Variants in STK24 observed in about 807,000 individuals in gnomAD.
STK24 encodes serine/threonine-protein kinase 24.
In STK24, 21 loss-of-function variants were observed where a neutral mutation model predicts 55.6. That is an observed-to-expected ratio of 0.38 (90% confidence interval 0.27 to 0.54). The LOEUF (loss-of-function observed/expected upper bound fraction) is 0.54, where lower values mean the gene tolerates loss of function less well. Ranked by LOEUF, STK24 falls within the 20% of genes least tolerant of loss-of-function variation. STK24 has a pLI of 0.79. For missense variants in STK24, 383 were observed against 538.4 expected, an observed-to-expected ratio of 0.71 and a Z score of 2.86; for synonymous variants, 200 against 215.2, an observed-to-expected ratio of 0.93 and a Z score of 0.62.
At position 98,446,773 on chromosome 13, in the gene STK24, C is replaced by G. The variant is rs771987186; in HGVS notation, c.*6400G>C. The G allele has an allele frequency of 1.2e-6, 2 of 1,614,176 alleles. No homozygotes were observed. The highest frequency in any genetic ancestry group is 1.7e-6 in the Non-Finnish European group (2 of 1,180,042). On this transcript the variant is annotated 3_prime_UTR_variant, in exon 11 of 11. Coordinates refer to ENST00000539966, the MANE Select transcript of STK24 (RefSeq NM_001032296.4). ...ACGTGTTCAAGCTGCACTTCAAGTC[C>G]CACGTCTACTACTTCAGGGCGGAAA...
At chr13:98,534,366 C>T (rs1896656187) in intron 1 of STK24, among the ~76,000 whole-genome samples, 1 of 152,184 alleles carries the variant, frequency 6.6e-6, no homozygotes, top group African/African-American at 2.4e-5. Context: ...CCAAGCTGTC[C>T]TTTTCATTCC....
In STK24 at chr13:98,538,785, G is replaced by C. The variant is rs554455260; in HGVS notation, c.43-19312C>G. ...AGCCCACCTGCCGCCTGACCTCCTA[G>C]GTTCATCACTGCCACTGCCTCCTTC... is the stretch of plus-strand genomic sequence containing the variant. On this transcript the variant is annotated intron_variant, in intron 1 of 10. Coordinates refer to ENST00000539966, the MANE Select transcript of STK24 (RefSeq NM_001032296.4). 2.0e-5 allele frequency among the ~76,000 whole-genome samples: 3 copies of C among 152,234 alleles called. No individual in the cohort carries two copies. The East Asian group carries it at 5.8e-4, about 29-fold the overall frequency.
rs534145605 is a variant in STK24 at position 98,525,037 on chromosome 13, A to T, written c.43-5564T>A. 9.6e-4 allele frequency among the ~76,000 whole-genome samples: 147 copies of T among 152,364 alleles called. 1 individual carries two copies. The highest frequency in any genetic ancestry group is 3.4e-3 in the African/African-American group (141 of 41,594). ...GGGGCAATGGGGCACTCAATAAAGC[A>T]GGGTTCCCTGCGCGGGCAGCCCTGC... On this transcript the variant is annotated intron_variant, in intron 1 of 10. Coordinates refer to ENST00000539966, the MANE Select transcript of STK24 (RefSeq NM_001032296.4).
At chr13:98,486,512 C>G (rs906123725) in intron 2 of STK24, among the ~76,000 whole-genome samples, 3 of 152,208 alleles carry the variant, frequency 2.0e-5, no homozygotes, top group Admixed American at 6.5e-5. Flanking sequence ...CACAGCCACA[C>G]CAGGGATCCT....
intron 1 of STK24, among the ~76,000 whole-genome samples, chr13:98,556,543 C>G (rs1897293652): frequency 6.6e-6 from 1 of 152,178 alleles, no homozygotes; most frequent in South Asian, 2.1e-4. Flanking sequence ...ACAAAAAAAT[C>G]ACTGTAACAC....
At chr13:98,535,354 A>G (rs1896687765) in intron 1 of STK24, among the ~76,000 whole-genome samples, 1 of 39,722 alleles carries the variant, frequency 2.5e-5, no homozygotes, top group Non-Finnish European at 5.9e-5. Flanking sequence ...ACAAACAAAC[A>G]AACAAACAAA....
At chr13:98,557,626 C>A (rs1471073932) in intron 1 of STK24, among the ~76,000 whole-genome samples, 1 of 152,228 alleles carries the variant, frequency 6.6e-6, no homozygotes, top group African/African-American at 2.4e-5. Context: ...ACTGTCAACG[C>A]CCAAAATGGG....
chr13:98,463,995 T>A (rs1893827116), intron 6 of STK24, among the ~76,000 whole-genome samples, 159 bp from the exon 7 acceptor site: 1 of 151,896 alleles, frequency 6.6e-6, no homozygotes, highest in Non-Finnish European at 1.5e-5. Flanking sequence ...CAAAGACGAG[T>A]CGCTCAGGAC....
chr13:98,509,241 A>T (rs887504491), intron 2 of STK24, among the ~76,000 whole-genome samples: 7 of 152,248 alleles, frequency 4.6e-5, no homozygotes, highest in African/African-American at 1.7e-4. Context: ...AAATGGAAAT[A>T]AACATAAAAT....
intron 2 of STK24, among the ~76,000 whole-genome samples, chr13:98,514,636 T>C (rs951957433): frequency 6.6e-6 from 1 of 152,210 alleles, no homozygotes; most frequent in African/African-American, 2.4e-5. Context: ...GTTTCTTTAA[T>C]AATGACACTA....
At chr13:98,529,422 G>C (rs1896520418) in intron 1 of STK24, among the ~76,000 whole-genome samples, 1 of 152,074 alleles carries the variant, frequency 6.6e-6, no homozygotes, top group Non-Finnish European at 1.5e-5. Flanking sequence ...CTTCCTAAAA[G>C]CTCACGGTTT....
intron 1 of STK24, among the ~76,000 whole-genome samples, chr13:98,523,960 G>T (rs1270598386): frequency 6.6e-6 from 1 of 152,150 alleles, no homozygotes. Flanking sequence ...CTTTGAAGAG[G>T]AGTCTCTGTG....
At chr13:98,544,746 G>A (rs192448829) in intron 1 of STK24, among the ~76,000 whole-genome samples, 139 of 152,336 alleles carry the variant, frequency 9.1e-4, no homozygotes, top group Middle Eastern at 3.4e-3. Context: ...CCAAGGGAGA[G>A]GGGAAACATT....
intron 1 of STK24, among the ~76,000 whole-genome samples, chr13:98,549,644 G>C (rs1265590440): frequency 6.6e-6 from 1 of 152,144 alleles, no homozygotes; most frequent in African/African-American, 2.4e-5. Context: ...CTTCGGCCAT[G>C]AGTCAAAGCT....
chr13:98,511,562 T>C (rs1321440158), intron 2 of STK24, among the ~76,000 whole-genome samples: 1 of 152,246 alleles, frequency 6.6e-6, no homozygotes, highest in Non-Finnish European at 1.5e-5. Context: ...TGTCCTTCGA[T>C]AGGTAAACCT....
intron 2 of STK24, among the ~76,000 whole-genome samples, chr13:98,493,872 G>T (rs1163346503): frequency 6.8e-6 from 1 of 147,112 alleles, no homozygotes; most frequent in African/African-American, 2.5e-5. Flanking sequence ...GAGTCTCACT[G>T]TGTTGCCCAG....
chr13:98,453,392 G>T, intron 10 of STK24, 183 bp from the exon 11 acceptor site: 1 of 620,388 alleles, frequency 1.6e-6, no homozygotes, highest in South Asian at 2.2e-5. Context: ...AGAAGATCAT[G>T]ATTCTTACAC....
chr13:98,573,098 T>A (rs1412056332), intron 1 of STK24, among the ~76,000 whole-genome samples: 1 of 152,284 alleles, frequency 6.6e-6, no homozygotes, highest in Middle Eastern at 3.4e-3. Flanking sequence ...ATTCCAAAAT[T>A]CGAAACACTT....
chr13:98,503,024 G>GTGTTTTTTTTTTTTTTTTTT (rs1555306356), intron 2 of STK24, among the ~76,000 whole-genome samples: 3 of 107,058 alleles, frequency 2.8e-5, no homozygotes, highest in African/African-American at 1.2e-4. Context: ...CTTTCCATGT[G>GTGTTTTTTTTTTTTTTTTTT]TTTTTTTTTT....
Sources: allele counts gnomAD v4.1 joint callset (sites outside exome capture counted in the v4.1 genomes callset), GRCh38; gene constraint gnomAD v4.1.1; transcripts MANE v1.5; gene names NCBI Gene and HGNC (gene_info 2026-07-23, HGNC 2026-07-21).